The following RGS14 variants were observed in gnomAD, a reference collection of about 807,000 sequenced individuals.
RGS14 encodes the protein regulator of G-protein signaling 14.
RGS14 carries 33 observed loss-of-function variants against 63.8 expected under a neutral mutation model. That is an observed-to-expected ratio of 0.52 (90% CI 0.39 to 0.69). The LOEUF (loss-of-function observed/expected upper bound fraction) is 0.69. Ranked by LOEUF, RGS14 falls within the 30% of genes least tolerant of loss-of-function variation. The pLI, the probability that RGS14 is intolerant of heterozygous loss-of-function variation, is 0.00. For missense variants in RGS14, 739 were observed against 742.9 expected, an observed-to-expected ratio of 0.99 and a Z score of 0.06; for synonymous variants, 296 against 320.9, an observed-to-expected ratio of 0.92 and a Z score of 0.83.
chr5:177,368,307 A>T, intron 8 of RGS14, 41 bp downstream of exon 8: 1 of 1,570,524 alleles, frequency 6.4e-7, no homozygotes, highest in Non-Finnish European at 8.7e-7. Flanking sequence ...TCTATGGGCT[A>T]GAGTCACTAC....
chr5:177,366,963 C>G lies in RGS14; in HGVS notation c.412C>G (p.Arg138Gly). 6.2e-7 allele frequency: 1 copy of G among 1,613,934 alleles called. No homozygotes were observed. Among genetic ancestry groups the G allele is most frequent in the Non-Finnish European group, 8.5e-7 (1 of 1,180,020 alleles). Residue 138 changes from arginine (R) to glycine (G), a missense_variant, in exon 5 of 15, where the codon CGT becomes GGT. By Grantham distance (125) the Arg-to-Gly change is moderately radical. Coordinates refer to ENST00000408923, the MANE Select transcript of RGS14 (RefSeq NM_006480.5). Reference protein sequence around the residue: ...SQALSPVNIDRQAWLGEEVLA... With the variant: ...SQALSPVNIDGQAWLGEEVLA... ...GGCGCTGAGCCCAGTGAACATCGAC[C>G]GTCAGGCCTGGCTTGGCGAGGAGGT...
At position 177,371,118 on chromosome 5, in the gene RGS14, G is replaced by GGCGGA. The variant is rs1762255075; in HGVS notation, c.1255-46_1255-45insCGGAG. 2.8e-6 allele frequency: 4 copies of GGCGGA among 1,446,056 alleles called. No individual in the cohort carries two copies. Among genetic ancestry groups the GGCGGA allele is most frequent in the Non-Finnish European group, 3.7e-6 (4 of 1,082,778 alleles). The allele number at this position is 1,446,056 out of a possible 1,614,324, so 89.6% of individuals were successfully genotyped here. A position where few individuals can be genotyped will look rare whatever the true frequency, so the allele number is the denominator to read the frequency against. ...GGGGCCGGGGCCGGGGCCGGGGCCG[G>GGCGGA]GGCCGGGCGGAGGCCTGTACCGCGG... On this transcript the variant is annotated intron_variant, in intron 11 of 14. Transcript: ENST00000408923. This position sits in a 1 kb window ranked among gnomAD's most constrained non-coding sequence, Gnocchi z 6.1.
chr5:177,363,710 T>G (rs1762027612), intron 1 of RGS14, among the ~76,000 whole-genome samples: 1 of 152,176 alleles, frequency 6.6e-6, no homozygotes, highest in Non-Finnish European at 1.5e-5. Context: ...GTCAGGACCA[T>G]TATTTGCTCC....
chr5:177,369,144 G>T (rs971056219), intron 9 of RGS14: 4 of 574,558 alleles, frequency 7.0e-6, no homozygotes, highest in African/African-American at 5.6e-5. Context: ...GTGACCTTAG[G>T]GAGGTAAAAC....
chr5:177,366,637 T>G (rs1347039669), intron 3 of RGS14, 71 bp from the exon 4 acceptor site: 2 of 1,457,782 alleles, frequency 1.4e-6, no homozygotes, highest in Non-Finnish European at 1.9e-6. Context: ...CCCAATCTTT[T>G]TGATCACATC....
chr5:177,368,913 A>T lies in RGS14; in HGVS notation c.1046A>T (p.Asn349Ile), dbSNP rs773402848. ...LPDIKVYLVG[N>I]EQALVLDQDC... ...GACATCAAGGTCTACCTGGTGGGCA[A>T]TGAACAGGTGGGAACGTGACCTGGC... Residue 349 changes from asparagine (N) to isoleucine (I), a missense_variant, in exon 9 of 15, where the codon AAT (asparagine) becomes ATT (isoleucine). Asn to Ile is a moderately radical substitution (Grantham distance 149). Coordinates refer to ENST00000408923, the MANE Select transcript of RGS14 (RefSeq NM_006480.5). 1.9e-6 allele frequency: 3 copies of T among 1,614,062 alleles called. No homozygotes were observed. In the South Asian group the frequency reaches 3.3e-5, roughly 18 times the overall value.
intron 7 of RGS14, 35 bp from the exon 8 acceptor site, chr5:177,368,122 G>C (rs745822904): frequency 1.2e-6 from 2 of 1,603,488 alleles, no homozygotes; most frequent in East Asian, 2.2e-5. Context: ...GTGAGGGCGG[G>C]GGGCTGTTCG....
intron 9 of RGS14, 188 bp downstream of exon 9, chr5:177,369,108 C>T (rs1299901257): frequency 3.2e-6 from 2 of 621,612 alleles, no homozygotes; most frequent in East Asian, 2.8e-5. Context: ...TTCCAGGTTT[C>T]CACCTTCATC....
intron 1 of RGS14, among the ~76,000 whole-genome samples, chr5:177,365,693 A>G (rs969271441): frequency 1.3e-5 from 2 of 152,190 alleles, no homozygotes; most frequent in African/African-American, 4.8e-5. Context: ...CCACCATGCT[A>G]TGCACACCTG....
rs1163604883 is a variant in RGS14 at position 177,366,232 on chromosome 5, C to T, written c.123C>T (p.Leu41=). The change falls in exon 3 of 15, where the codon CTC becomes CTT. Residue 41 remains leucine, a synonymous_variant. Coordinates refer to ENST00000408923, the MANE Select transcript of RGS14 (RefSeq NM_006480.5). ...QGQGEGRGSS[L]SIHSLPSGPS... Reference sequence around the variant, plus strand: ...AGGGCGAGGGCCGCGGCAGCTCTCTCAGCATCCACAGCCTCCCCAGTGGTC... The same window carrying T: ...AGGGCGAGGGCCGCGGCAGCTCTCTTAGCATCCACAGCCTCCCCAGTGGTC... 6.3e-7 allele frequency: 1 copy of T among 1,595,214 alleles called. No homozygotes were observed. The highest frequency in any genetic ancestry group is 8.5e-7 in the Non-Finnish European group (1 of 1,172,058).
At chr5:177,363,016 G>A (rs944910169) in intron 1 of RGS14, among the ~76,000 whole-genome samples, 3 of 152,170 alleles carry the variant, frequency 2.0e-5, no homozygotes, top group Non-Finnish European at 4.4e-5. Context: ...GCGGAGGGGG[G>A]CGAGTCCGGG....
chr5:177,364,335 T>C lies in RGS14; in HGVS notation c.46-1628T>C, dbSNP rs1762043182. 6.6e-6 allele frequency among the ~76,000 whole-genome samples: 1 copy of C among 152,124 alleles called. No individual in the cohort carries two copies. Among genetic ancestry groups the C allele is most frequent in the African/African-American group, 2.4e-5 (1 of 41,428 alleles). On this transcript the variant is annotated intron_variant, in intron 1 of 14. Coordinates refer to ENST00000408923, the MANE Select transcript of RGS14 (RefSeq NM_006480.5). This position sits in a 1 kb window ranked among gnomAD's most constrained non-coding sequence, Gnocchi z 4.6. ...ACTGGGGATGACTCAAGCCCTGATGTTGGAAGCCCGGGTGATGGGAAGAAA... is the reference window on the plus strand; with the variant it reads ...ACTGGGGATGACTCAAGCCCTGATGCTGGAAGCCCGGGTGATGGGAAGAAA...
In RGS14 at chr5:177,357,968, GC is replaced by G; in HGVS notation, c.-54del. On this transcript the variant is annotated 5_prime_UTR_variant, in exon 1 of 15. Transcript: ENST00000408923. ...CACCGTGCAAGCTCTGGCCGGCGCT[GC>G]CCACAGTCCCCATGGTGGGCAGCCC... is the stretch of plus-strand genomic sequence containing the variant. 1 of 1,308,802 alleles carries G rather than the reference GC, an allele frequency of 7.6e-7. No homozygotes were observed. The highest frequency in any genetic ancestry group is 9.8e-7 in the Non-Finnish European group (1 of 1,021,396). 81.1% of individuals were successfully genotyped at this position (1,308,802 alleles called of 1,614,324 possible). A position where few individuals can be genotyped will look rare whatever the true frequency, so the allele number is the denominator to read the frequency against.
In RGS14 at chr5:177,358,940, T is replaced by C. The variant is rs989105999; in HGVS notation, c.45+871T>C. 1.3e-5 allele frequency among the ~76,000 whole-genome samples: 2 copies of C among 152,168 alleles called. No individual in the cohort carries two copies. The highest frequency in any genetic ancestry group is 4.1e-4 in the South Asian group (2 of 4,832). On this transcript the variant is annotated intron_variant, in intron 1 of 14. Transcript: ENST00000408923. The surrounding 1 kb of genome is among the most constrained non-coding windows in gnomAD (Gnocchi z 4.8). ...CTGGGTTCCAGTCCTGGTTCTATTC[T>C]CTCTTACTGGAGGGAGGGTCCTCGC...
intron 8 of RGS14, among the ~76,000 whole-genome samples, 180 bp downstream of exon 8, chr5:177,368,446 G>C (rs1208173631): frequency 6.6e-6 from 1 of 152,228 alleles, no homozygotes; most frequent in Non-Finnish European, 1.5e-5. Context: ...ATATGTCATG[G>C]GTACACATCC....
chr5:177,362,855 T>G (rs909761609), intron 1 of RGS14, among the ~76,000 whole-genome samples: 12 of 152,098 alleles, frequency 7.9e-5, no homozygotes, highest in African/African-American at 2.9e-4. Flanking sequence ...GACATTCAGT[T>G]AAGCAGAACG....
At chr5:177,369,404 G>C (rs1003832298) in intron 9 of RGS14, among the ~76,000 whole-genome samples, 3 of 152,220 alleles carry the variant, frequency 2.0e-5, no homozygotes, top group African/African-American at 7.2e-5. Flanking sequence ...TCTCAAGGAA[G>C]AATGCTACCT....
Position 177,368,180 on chromosome 5 carries a change from G to A in RGS14, c.763G>A (p.Ala255Thr), listed in dbSNP as rs374852470. The A allele has an allele frequency of 6.2e-6, 10 of 1,613,752 alleles. No individual in the cohort carries two copies. In the East Asian group the frequency reaches 1.6e-4, roughly 25 times the overall value. Residue 255 changes from alanine (A) to threonine (T), a missense_variant, in exon 8 of 15, where the codon GCC becomes ACC. Physicochemically the swap from Ala to Thr is moderately conservative, Grantham distance 58. Transcript: ENST00000408923. ...RRELGGTANA[A>T]LRRESQGSLN... The stretch of plus-strand genomic sequence containing the variant: ...AGAGCTGGGCGGGACTGCAAACGCC[G>A]CCTTGCGCCGAGAGTCTCAGGGCTC...
chr5:177,370,878 C>A (rs771914815), intron 10 of RGS14, 27 bp from the exon 11 acceptor site: 1 of 1,585,290 alleles, frequency 6.3e-7, no homozygotes, highest in Non-Finnish European at 8.5e-7. Context: ...GCCCTCCGGC[C>A]CTCTGCTGCC....
Sources: allele counts gnomAD v4.1 joint callset (sites outside exome capture counted in the v4.1 genomes callset), GRCh38; gene constraint gnomAD v4.1.1; non-coding constraint Gnocchi (gnomAD v3.1); transcripts MANE v1.5; gene names NCBI Gene and HGNC (gene_info 2026-07-23, HGNC 2026-07-21).